PITPNM2: variants seen among roughly 807,000 people sequenced by gnomAD.
The protein encoded by PITPNM2 is phosphatidylinositol transfer protein membrane associated 2.
Under a neutral mutation model 132.2 loss-of-function variants are expected in PITPNM2, and 35 were observed. The observed-to-expected ratio is 0.26, with a 90% confidence interval of 0.20 to 0.35. The LOEUF is 0.35. Among genes scored for constraint, PITPNM2 ranks in the 10% least tolerant of loss-of-function variants. The pLI is 1.00. For missense variants in PITPNM2, 1,332 were observed against 1,912.0 expected, an observed-to-expected ratio of 0.70 and a Z score of 5.66; for synonymous variants, 738 against 799.2, an observed-to-expected ratio of 0.92 and a Z score of 1.29.
Position 122,995,576 on chromosome 12 carries a change from T to C in PITPNM2, c.1867A>G (p.Ser623Gly). The C allele has an allele frequency of 1.2e-6, 2 of 1,607,138 alleles. No individual in the cohort carries two copies. The highest frequency in any genetic ancestry group is 1.7e-6 in the Non-Finnish European group (2 of 1,179,610). ...CCACTACTGCCACCACCACCACTGCTGCCACCACCGCCACCGCCGCCACCG... is the reference window on the plus strand; with the variant it reads ...CCACTACTGCCACCACCACCACTGCCGCCACCACCGCCACCGCCGCCACCG... ...GGGGGGGGGG[S>G]SGGGGSSGGS... The change falls in exon 14 of 26, where the codon AGC (serine) becomes GGC (glycine). Residue 623 changes from serine (S) to glycine (G), a missense_variant. Ser to Gly is a moderately conservative substitution (Grantham distance 56). Coordinates refer to ENST00000320201, the MANE Select transcript of PITPNM2 (RefSeq NM_020845.3).
chr12:123,005,276 T>C lies in PITPNM2; in HGVS notation c.916A>G (p.Thr306Ala), dbSNP rs1414086034. ...GACGACCGAGACGACTTGGAGGATG[T>C]GGACCACTGTTTCTTGAGGCCGCGC... is the stretch of plus-strand genomic sequence containing the variant. ...VGRGLKKQWS[T>A]SSKSSRSSKR... Residue 306 changes from threonine (T) to alanine (A), a missense_variant, in exon 7 of 26, where the codon ACA becomes GCA. Around this residue, in one of 6 missense-constraint regions of PITPNM2, gnomAD observed 710 missense variants for 911.5 expected, o/e 0.78. Coordinates refer to ENST00000320201, the MANE Select transcript of PITPNM2 (RefSeq NM_020845.3). The surrounding 1 kb of genome is among the most constrained non-coding windows in gnomAD (Gnocchi z 6.2). The C allele has an allele frequency of 1.2e-6, 2 of 1,613,668 alleles. No individual in the cohort carries two copies. Among genetic ancestry groups the C allele is most frequent in the Non-Finnish European group, 1.7e-6 (2 of 1,179,830 alleles).
chr12:123,020,416 C>T (rs1592949593), intron 3 of PITPNM2, among the ~76,000 whole-genome samples: 3 of 152,024 alleles, frequency 2.0e-5, no homozygotes, highest in South Asian at 2.1e-4. Context: ...CCACTGTGCC[C>T]GGCCATAAAA....
intron 2 of PITPNM2, among the ~76,000 whole-genome samples, chr12:123,037,316 G>A (rs985471127): frequency 6.6e-6 from 1 of 152,222 alleles, no homozygotes; most frequent in African/African-American, 2.4e-5. Flanking sequence ...AGGAAATTAG[G>A]GTTGGAGACG....
Position 122,984,867 on chromosome 12 carries a change from G to C in PITPNM2, c.*1160C>G, listed in dbSNP as rs1320932529. On this transcript the variant is annotated 3_prime_UTR_variant, in exon 26 of 26. Coordinates refer to ENST00000320201, the MANE Select transcript of PITPNM2 (RefSeq NM_020845.3). ...GAGAGAGGGCAGACGGTCAGACCCA[G>C]CGTGCAGGACAGCATGGTCCTTGTT... The C allele has an allele frequency of 6.6e-6, 1 of 152,336 alleles. No homozygotes were observed. The highest frequency in any genetic ancestry group is 2.4e-5 in the African/African-American group (1 of 41,474). 9.4% of individuals were successfully genotyped at this position (152,336 alleles called of 1,614,324 possible).
intron 10 of PITPNM2, among the ~76,000 whole-genome samples, chr12:122,998,373 G>A (rs1190500468): frequency 2.0e-5 from 3 of 152,178 alleles, no homozygotes; most frequent in South Asian, 4.1e-4. Context: ...TAGGGGCTGC[G>A]AACTGCTCCA....
intron 1 of PITPNM2, among the ~76,000 whole-genome samples, chr12:123,124,880 G>A (rs1202173688): frequency 1.3e-5 from 2 of 152,128 alleles, no homozygotes; most frequent in Non-Finnish European, 2.9e-5. Context: ...AGTTCCATAA[G>A]GAATGTATCT....
chr12:122,994,234 CCT>C lies in PITPNM2; in HGVS notation c.2233+565_2233+566del, dbSNP rs1168657968. Among the ~76,000 whole-genome samples the C allele has an allele frequency of 2.0e-5, 3 of 152,248 alleles. No individual in the cohort carries two copies. The highest frequency in any genetic ancestry group is 2.4e-5 in the African/African-American group (1 of 41,456). On this transcript the variant is annotated intron_variant, in intron 15 of 25. Coordinates refer to ENST00000320201, the MANE Select transcript of PITPNM2 (RefSeq NM_020845.3). This position sits in a 1 kb window ranked among gnomAD's most constrained non-coding sequence, Gnocchi z 5.4. Reference sequence around the variant, plus strand: ...AAACCTCTCTGAGCCTCAGTTTCCCCCTCTGTCATCTGGGAGTGTAACATGTG... The same window carrying C: ...AAACCTCTCTGAGCCTCAGTTTCCCCCTGTCATCTGGGAGTGTAACATGTG...
At chr12:123,128,465 GGT>G (rs998229946) in intron 1 of PITPNM2, among the ~76,000 whole-genome samples, 6 of 130,968 alleles carry the variant, frequency 4.6e-5, no homozygotes, top group African/African-American at 1.6e-4. Context: ...AAAAAAAAAA[GGT>G]GGGGGGGCAG....
At position 123,111,671 on chromosome 12, in the gene PITPNM2, C is replaced by A. The variant is rs2042837049; in HGVS notation, c.-199-1183G>T. On this transcript the variant is annotated intron_variant, in intron 1 of 25. Transcript: ENST00000320201. The surrounding 1 kb of genome is among the most constrained non-coding windows in gnomAD (Gnocchi z 4.1). The stretch of plus-strand genomic sequence containing the variant: ...TGCATGCCCACCCCCGTGCAGGCTC[C>A]TCTGTGGGACTGAGGCTCCATCGCT... 6.6e-6 allele frequency among the ~76,000 whole-genome samples: 1 copy of A among 152,230 alleles called. No homozygotes were observed. Among genetic ancestry groups the A allele is most frequent in the Non-Finnish European group, 1.5e-5 (1 of 68,036 alleles).
intron 2 of PITPNM2, among the ~76,000 whole-genome samples, chr12:123,066,382 C>A (rs2041414177): frequency 6.6e-6 from 1 of 152,152 alleles, no homozygotes; most frequent in Admixed American, 6.5e-5. Context: ...GAAGACTGAG[C>A]ATTGTGGGTA....
intron 1 of PITPNM2, among the ~76,000 whole-genome samples, chr12:123,124,331 C>T (rs143643671): frequency 0.011 from 1,693 of 152,108 alleles, 38 homozygotes; most frequent in South Asian, 0.063. Context: ...ACTTGGGAGA[C>T]TGAGGCAGGA....
chr12:123,131,060 A>ACATT (rs1039877825), intron 1 of PITPNM2, among the ~76,000 whole-genome samples: 17 of 152,322 alleles, frequency 1.1e-4, no homozygotes, highest in Non-Finnish European at 2.2e-4. Context: ...GATGGCTTTC[A>ACATT]CATTCATTCA....
At chr12:123,103,135 T>C (rs1030422396) in intron 2 of PITPNM2, among the ~76,000 whole-genome samples, 1 of 152,208 alleles carries the variant, frequency 6.6e-6, no homozygotes, top group African/African-American at 2.4e-5. Flanking sequence ...ACACAAGGCC[T>C]CTGGTTTGTG....
rs550373292 is a variant in PITPNM2 at position 122,998,413 on chromosome 12, C to G, written c.1225-841G>C. ...GGGGGACTGGGCCAATATCACATAG[C>G]GTGTCGGTGCCAGGCTGGATCAGAA... On this transcript the variant is annotated intron_variant, in intron 10 of 25. Transcript: ENST00000320201. 2.4e-3 allele frequency among the ~76,000 whole-genome samples: 373 copies of G among 152,302 alleles called. 1 individual carries two copies. Among genetic ancestry groups the G allele is most frequent in the Non-Finnish European group, 4.6e-3 (310 of 68,016 alleles).
intron 1 of PITPNM2, among the ~76,000 whole-genome samples, chr12:123,128,881 A>C (rs1053109698): frequency 5.3e-5 from 8 of 152,192 alleles, no homozygotes; most frequent in Non-Finnish European, 1.0e-4. Context: ...TCACGCCTGT[A>C]ATCTCAGCAC....
At chr12:123,075,565 AC>A (rs2041758677) in intron 2 of PITPNM2, 1 of 152,234 alleles carries the variant, frequency 6.6e-6, no homozygotes, top group Non-Finnish European at 1.5e-5. Flanking sequence ...TAAAGAAAGA[AC>A]CACTCACCGC....
At chr12:123,010,183 C>T (rs994395878) in intron 5 of PITPNM2, 106 bp from the exon 6 acceptor site, 1 of 966,892 alleles carries the variant, frequency 1.0e-6, no homozygotes, top group Non-Finnish European at 1.6e-6. Flanking sequence ...CTGGGCCTTG[C>T]CCTGCCAGAG....
At chr12:123,047,067 G>A (rs950581750) in intron 2 of PITPNM2, among the ~76,000 whole-genome samples, 17 of 152,160 alleles carry the variant, frequency 1.1e-4, no homozygotes, top group Admixed American at 6.5e-4. Context: ...ATCTCCCAAG[G>A]TGGAAAAGGT....
chr12:123,015,398 T>C (rs1437842932), intron 3 of PITPNM2, among the ~76,000 whole-genome samples: 1 of 152,022 alleles, frequency 6.6e-6, no homozygotes, highest in East Asian at 1.9e-4. Context: ...AAACCATATA[T>C]CTATGATCAA....
Sources: gnomAD v4.1 joint callset for allele counts (sites outside exome capture counted in the v4.1 genomes callset) on GRCh38, gnomAD v4.1.1 for gene constraint, gnomAD v4.1.1 regional missense constraint, Gnocchi (gnomAD v3.1) non-coding constraint, MANE v1.5 for transcripts, NCBI Gene and HGNC (gene_info 2026-07-23, HGNC 2026-07-21) for gene names.